Variants in GRAMD2B observed in about 807,000 individuals in gnomAD.
The protein encoded by GRAMD2B is GRAM domain containing 2B.
In GRAMD2B, 41 loss-of-function variants were observed where a neutral mutation model predicts 59.2. That is an observed-to-expected ratio of 0.69 (90% confidence interval 0.54 to 0.90). The LOEUF (loss-of-function observed/expected upper bound fraction) is 0.90, where lower values mean the gene tolerates loss of function less well. GRAMD2B is among the 40% of genes least tolerant of loss of function. GRAMD2B has a pLI of 0.00. For missense variants in GRAMD2B, 424 were observed against 500.5 expected, an observed-to-expected ratio of 0.85 and a Z score of 1.46; for synonymous variants, 161 against 182.7, an observed-to-expected ratio of 0.88 and a Z score of 0.96.
At chr5:126,476,664 C>T (rs975814596) in intron 5 of GRAMD2B, among the ~76,000 whole-genome samples, 7 of 152,168 alleles carry the variant, frequency 4.6e-5, no homozygotes, top group African/African-American at 1.7e-4. Context: ...CTTTATTTCT[C>T]ATAATATTGA....
At chr5:126,466,199 A>G (rs955903034) in intron 2 of GRAMD2B, 122 of 1,524,718 alleles carry the variant, frequency 8.0e-5, no homozygotes, top group Admixed American at 4.5e-4. Context: ...GTCCTTCACC[A>G]TTATTAGAAC....
chr5:126,372,353 C>T (rs186637961), intron 1 of GRAMD2B, among the ~76,000 whole-genome samples: 1 of 152,108 alleles, frequency 6.6e-6, no homozygotes, highest in South Asian at 2.1e-4. Flanking sequence ...CCCCCACACC[C>T]AAACTTTACT....
At chr5:126,487,064 A>G (rs1319784594) in intron 12 of GRAMD2B, 87 bp downstream of exon 12, 5 of 723,940 alleles carry the variant, frequency 6.9e-6, no homozygotes, top group Non-Finnish European at 1.2e-5. Context: ...CTTAGTAAAC[A>G]TTAATTGGAG....
chr5:126,472,964 A>G (rs1224745587), intron 4 of GRAMD2B, among the ~76,000 whole-genome samples: 1 of 152,226 alleles, frequency 6.6e-6, no homozygotes, highest in Non-Finnish European at 1.5e-5. Flanking sequence ...TAATATCAGC[A>G]CATGGTGACA....
intron 1 of GRAMD2B, among the ~76,000 whole-genome samples, chr5:126,384,200 C>T (rs1755907614): frequency 6.6e-6 from 1 of 152,158 alleles, no homozygotes. Context: ...AAATAAGGCT[C>T]AGATCCTGCT....
At chr5:126,487,385 C>T (rs1773136847) in intron 12 of GRAMD2B, among the ~76,000 whole-genome samples, 1 of 152,142 alleles carries the variant, frequency 6.6e-6, no homozygotes, top group African/African-American at 2.4e-5. Context: ...TATTAACTCA[C>T]TTATTTGCAA....
chr5:126,472,635 A>G (rs1048736901), intron 4 of GRAMD2B, among the ~76,000 whole-genome samples: 1 of 149,170 alleles, frequency 6.7e-6, no homozygotes, highest in Non-Finnish European at 1.5e-5. Flanking sequence ...AGAGGCCACT[A>G]GAAGAAGGCT....
chr5:126,407,805 A>G (rs1758389595), intron 1 of GRAMD2B, among the ~76,000 whole-genome samples: 2 of 152,068 alleles, frequency 1.3e-5, no homozygotes, highest in Admixed American at 1.3e-4. Context: ...TAATGATGTG[A>G]TGATGGTGAT....
At chr5:126,463,552 C>T (rs1767746353) in intron 1 of GRAMD2B, among the ~76,000 whole-genome samples, 1 of 152,224 alleles carries the variant, frequency 6.6e-6, no homozygotes, top group Non-Finnish European at 1.5e-5. Flanking sequence ...TTCAATGCCT[C>T]AGCCTTCCAT....
At chr5:126,492,390 C>CT (rs375319462) in intron 13 of GRAMD2B, among the ~76,000 whole-genome samples, 172 of 144,778 alleles carry the variant, frequency 1.2e-3, no homozygotes, top group African/African-American at 2.4e-3. Context: ...GCCATTCTCT[C>CT]TTTTTTTTTT....
intron 1 of GRAMD2B, among the ~76,000 whole-genome samples, chr5:126,448,745 G>T (rs562005390): frequency 6.6e-6 from 1 of 152,188 alleles, no homozygotes; most frequent in South Asian, 2.1e-4. Context: ...GTGTCTGACC[G>T]GGCTTGGAAA....
chr5:126,360,603 G>A, intron 1 of GRAMD2B: 1 of 781,246 alleles, frequency 1.3e-6, no homozygotes, highest in South Asian at 2.2e-5. Context: ...AGTTTTCCTT[G>A]TTTATCATCA....
intron 1 of GRAMD2B, among the ~76,000 whole-genome samples, chr5:126,432,156 T>G (rs11241890): frequency 0.29 from 43,784 of 151,992 alleles, 6,442 homozygotes; most frequent in Middle Eastern, 0.34. Context: ...CTTGAACTCC[T>G]GGCTTCAAGA....
chr5:126,438,825 C>T (rs1762829380), intron 1 of GRAMD2B, among the ~76,000 whole-genome samples: 1 of 152,048 alleles, frequency 6.6e-6, no homozygotes, highest in South Asian at 2.1e-4. Context: ...GCCTGAGCTG[C>T]CTCCAGAAAT....
At chr5:126,443,926 C>G (rs1763732520) in intron 1 of GRAMD2B, among the ~76,000 whole-genome samples, 1 of 152,072 alleles carries the variant, frequency 6.6e-6, no homozygotes, top group Non-Finnish European at 1.5e-5. Flanking sequence ...GTGGTGGGCG[C>G]CTGTAATCCC....
At chr5:126,365,933 A>C (rs1580665553) in intron 1 of GRAMD2B, among the ~76,000 whole-genome samples, 2 of 152,210 alleles carry the variant, frequency 1.3e-5, no homozygotes, top group South Asian at 4.1e-4. Flanking sequence ...TATATCTTAA[A>C]GCCCCAAATG....
upstream of GRAMD2B, among the ~76,000 whole-genome samples, chr5:126,369,020 C>T (rs948516144): frequency 1.2e-4 from 18 of 152,156 alleles, no homozygotes; most frequent in Non-Finnish European, 2.2e-4. Context: ...AAGGTTCCTT[C>T]ATAATTCAGC....
chr5:126,360,548 CAGA>C, intron 1 of GRAMD2B: 1 of 1,264,906 alleles, frequency 7.9e-7, no homozygotes, highest in Non-Finnish European at 1.1e-6. Context: ...ATCTTAAGGA[CAGA>C]GTGTCTCCAC....
intron 11 of GRAMD2B, 136 bp downstream of exon 11, chr5:126,485,909 C>A: frequency 1.7e-6 from 1 of 583,790 alleles, no homozygotes; most frequent in Non-Finnish European, 2.9e-6. Context: ...TTGACAATTT[C>A]TGTCTCCTAC....
Sources: allele counts gnomAD v4.1 joint callset (sites outside exome capture counted in the v4.1 genomes callset), GRCh38; gene constraint gnomAD v4.1.1; transcripts MANE v1.5; gene names NCBI Gene and HGNC (gene_info 2026-07-23, HGNC 2026-07-21).